TENM4: variants seen among roughly 807,000 people sequenced by gnomAD.
TENM4 encodes teneurin-4.
In TENM4, 82 loss-of-function variants were observed where a neutral mutation model predicts 243.3. The observed-to-expected ratio is 0.34, with a 90% CI of 0.28 to 0.40. The LOEUF is 0.40. TENM4 is among the 10% of genes least tolerant of loss of function. TENM4 has a pLI of 1.00. For synonymous variants in TENM4, 1,412 were observed against 1,456.3 expected (o/e 0.97, Z 0.69); for missense variants, 3,138 against 3,673.3 (o/e 0.85, Z 3.77).
intron 1 of TENM4, among the ~76,000 whole-genome samples, chr11:79,329,320 G>A (rs986143888): frequency 1.3e-5 from 2 of 152,176 alleles, no homozygotes; most frequent in South Asian, 2.1e-4. Flanking sequence ...CAGCAGTGAC[G>A]GGAGAGGCCT....
intron 1 of TENM4, among the ~76,000 whole-genome samples, chr11:79,335,593 C>A (rs1031977899): frequency 2.0e-5 from 3 of 152,134 alleles, no homozygotes; most frequent in African/African-American, 7.2e-5. Context: ...TCAGAAGACA[C>A]CAGAGTACCT....
intron 32 of TENM4, 35 bp from the exon 33 acceptor site, chr11:78,661,626 G>A (rs778359338): frequency 9.3e-6 from 15 of 1,606,824 alleles, no homozygotes; most frequent in Non-Finnish European, 1.3e-5. Flanking sequence ...TCTCCATGGA[G>A]TGAGTGGACC....
rs999731220 is a variant in TENM4 at position 78,768,411 on chromosome 11, AC to A, written c.2539+2580del. Among the ~76,000 whole-genome samples the A allele has an allele frequency of 9.2e-5, 14 of 152,340 alleles. No homozygotes were observed. In the South Asian group the frequency reaches 1.0e-3, roughly 11 times the overall value. ...ACCACATCACAGTTCCCAGTAGGGC[AC>A]CCAGGCATCTGATATCAGTTGAATG... On this transcript the variant is annotated intron_variant, in intron 18 of 33. Coordinates refer to ENST00000278550, the MANE Select transcript of TENM4 (RefSeq NM_001098816.3).
At chr11:79,121,620 G>T (rs557508560) in intron 4 of TENM4, among the ~76,000 whole-genome samples, 2 of 152,188 alleles carry the variant, frequency 1.3e-5, no homozygotes, top group Non-Finnish European at 2.9e-5. Context: ...AGGAATGAGG[G>T]CCCTGTTCCT....
At chr11:78,742,244 ACAAT>A (rs1481053181) in intron 19 of TENM4, among the ~76,000 whole-genome samples, 1 of 152,216 alleles carries the variant, frequency 6.6e-6, no homozygotes, top group African/African-American at 2.4e-5. Flanking sequence ...TAAGTGAAAA[ACAAT>A]CAAGTAACTG....
Position 79,252,389 on chromosome 11 carries a change from C to A in TENM4, c.-264-36480G>T, listed in dbSNP as rs139723450. On this transcript the variant is annotated intron_variant, in intron 2 of 33. Coordinates refer to ENST00000278550, the MANE Select transcript of TENM4 (RefSeq NM_001098816.3). ...AGCTGGGATTACAGGCGCTCACCACCACACCCGGCTAATTTTTCTTTTTTT... is the reference window on the plus strand; with the variant it reads ...AGCTGGGATTACAGGCGCTCACCACAACACCCGGCTAATTTTTCTTTTTTT... 9.2e-5 allele frequency among the ~76,000 whole-genome samples: 14 copies of A among 152,276 alleles called. No homozygotes were observed. The East Asian group carries it at 1.5e-3, about 17-fold the overall frequency.
chr11:78,949,084 AG>A, intron 6 of TENM4, among the ~76,000 whole-genome samples: 1 of 152,290 alleles, frequency 6.6e-6, no homozygotes, highest in Admixed American at 6.5e-5. Context: ...TGTGACACAA[AG>A]CCCAGTCTCT....
chr11:79,127,499 C>T (rs980353878), intron 4 of TENM4, among the ~76,000 whole-genome samples: 4 of 82,182 alleles, frequency 4.9e-5, no homozygotes, highest in African/African-American at 1.5e-4. Context: ...CAGCCATTGA[C>T]TTGGCAAATA....
intron 7 of TENM4, among the ~76,000 whole-genome samples, chr11:78,893,961 G>A (rs189639192): frequency 2.6e-4 from 39 of 152,262 alleles, no homozygotes; most frequent in African/African-American, 9.4e-4. Context: ...AGTTCCACAA[G>A]GCAGAAGTCT....
chr11:79,054,683 C>T (rs939409156), intron 6 of TENM4, among the ~76,000 whole-genome samples: 6 of 152,024 alleles, frequency 3.9e-5, no homozygotes, highest in African/African-American at 1.4e-4. Context: ...TTAGTTCAAG[C>T]GATCCTCCCG....
intron 2 of TENM4, among the ~76,000 whole-genome samples, chr11:79,233,808 T>C (rs1864413438): frequency 6.6e-6 from 1 of 152,198 alleles, no homozygotes; most frequent in Non-Finnish European, 1.5e-5. Context: ...AGAGTTTACA[T>C]GATTCCAGCA....
chr11:79,049,663 T>A (rs557830608), intron 6 of TENM4, among the ~76,000 whole-genome samples: 65 of 152,364 alleles, frequency 4.3e-4, no homozygotes, highest in African/African-American at 1.5e-3. Flanking sequence ...TATGCCTAGA[T>A]TGTACCAATA....
intron 6 of TENM4, among the ~76,000 whole-genome samples, chr11:79,011,724 G>C (rs891353839): frequency 6.6e-6 from 1 of 152,182 alleles, no homozygotes; most frequent in East Asian, 1.9e-4. Context: ...CCACCTGCTG[G>C]GAGAAACTTA....
chr11:79,007,723 C>A (rs1858529821), intron 6 of TENM4, among the ~76,000 whole-genome samples: 1 of 152,188 alleles, frequency 6.6e-6, no homozygotes, highest in Non-Finnish European at 1.5e-5. Flanking sequence ...CCCTTCACAA[C>A]CCCTTTTTCT....
chr11:78,726,703 G>A lies in TENM4; in HGVS notation c.3407-481C>T, dbSNP rs904280079. Among the ~76,000 whole-genome samples, 6 of 152,116 alleles carry A rather than the reference G, an allele frequency of 3.9e-5. No individual in the cohort carries two copies. The East Asian group carries it at 1.2e-3, about 29-fold the overall frequency. Reference sequence around the variant, plus strand: ...TCCTGAGATCCAGATGTTTAAAAGTGTGTAGCACCTCCTCCCACCACCCCA... The same window carrying A: ...TCCTGAGATCCAGATGTTTAAAAGTATGTAGCACCTCCTCCCACCACCCCA... On this transcript the variant is annotated intron_variant, in intron 22 of 33. Coordinates refer to ENST00000278550, the MANE Select transcript of TENM4 (RefSeq NM_001098816.3).
chr11:78,701,470 A>G, intron 28 of TENM4, 56 bp downstream of exon 28: 2 of 1,504,418 alleles, frequency 1.3e-6, no homozygotes, highest in South Asian at 1.4e-5. Context: ...TTTACCTCCA[A>G]TCCTACAATG....
chr11:79,164,343 C>CTGGTATATATAG (rs1862853124), intron 3 of TENM4, among the ~76,000 whole-genome samples: 1 of 105,592 alleles, frequency 9.5e-6, no homozygotes, highest in Non-Finnish European at 1.9e-5. Context: ...TATAGATATA[C>CTGGTATATATAG]TATATAGATA....
intron 1 of TENM4, among the ~76,000 whole-genome samples, chr11:79,331,592 G>A (rs1857062809): frequency 6.6e-6 from 1 of 152,092 alleles, no homozygotes; most frequent in African/African-American, 2.4e-5. Flanking sequence ...ACATCTACTG[G>A]ATACAGTGTA....
At chr11:79,199,473 C>T (rs557997779) in intron 3 of TENM4, among the ~76,000 whole-genome samples, 5 of 152,286 alleles carry the variant, frequency 3.3e-5, no homozygotes, top group African/African-American at 9.6e-5. Context: ...TTACCTGATA[C>T]GTGGTGAGCC....
Sources: allele counts gnomAD v4.1 joint callset (sites outside exome capture counted in the v4.1 genomes callset), GRCh38; gene constraint gnomAD v4.1.1; transcripts MANE v1.5; gene names NCBI Gene and HGNC (gene_info 2026-07-23, HGNC 2026-07-21).